The following PRAMEF1 variants were observed in gnomAD, a reference collection of about 807,000 sequenced individuals.
The protein encoded by PRAMEF1 is PRAME family member 1.
PRAMEF1 carries 21 observed loss-of-function variants against 38.2 expected under a neutral mutation model. The ratio of observed to expected loss-of-function variants is 0.55; its 90% confidence interval spans 0.39 to 0.79. The LOEUF is 0.79. Ranked by LOEUF, PRAMEF1 falls within the 30% of genes least tolerant of loss-of-function variation. The probability of loss-of-function intolerance (pLI) is 0.00; values close to 1 mark genes in which losing one functional copy is unlikely to be tolerated. For missense variants in PRAMEF1, 497 were observed against 565.8 expected (o/e 0.88, Z 1.23); for synonymous variants, 200 against 229.0 (o/e 0.87, Z 1.14).
rs1639401864 is a variant in PRAMEF1, at chr1:12,796,262, A to G, written c.*266A>G. On this transcript the variant is annotated 3_prime_UTR_variant, in exon 4 of 4. Transcript: ENST00000332296. The stretch of plus-strand genomic sequence containing the variant: ...TGGCATGAGTGACTGTGTCCAGGCC[A>G]CATGCAACTTAAAGGAAGCACAGGC... 5.6e-6 allele frequency: 3 copies of G among 533,350 alleles called. No homozygotes were observed. In the Admixed American group the frequency reaches 1.0e-4, roughly 19 times the overall value. 33.0% of individuals were successfully genotyped at this position (533,350 alleles called of 1,614,324 possible).
rs777841916 is a variant in PRAMEF1 at position 12,794,521 on chromosome 1, C to T, written c.866+28C>T. On this transcript the variant is annotated intron_variant, in intron 3 of 3. Coordinates refer to ENST00000332296, the MANE Select transcript of PRAMEF1 (RefSeq NM_023013.4). ...GAGAAAGGATCATGCACTTTGTATG[C>T]AGACCACAGCATAGCCTTGTTCTGT... 1.9e-6 allele frequency: 3 copies of T among 1,608,318 alleles called. No homozygotes were observed. In the East Asian group the frequency reaches 6.8e-5, roughly 36 times the overall value.
At chr1:12,795,352 G>A (rs1313110185) in intron 3 of PRAMEF1, 86 bp from the exon 4 acceptor site, 1 of 1,425,134 alleles carries the variant, frequency 7.0e-7, no homozygotes, top group Non-Finnish European at 9.7e-7. Context: ...ACTTGTGTTT[G>A]TTTGACGCAG....
chr1:12,795,671 G>C lies in PRAMEF1; in HGVS notation c.1100G>C (p.Ser367Thr). ...TGTCAGATCCACTACTCCCAACTCA[G>C]TGCCATCCTGCCTGGCCTGAGCCGC... ...EGCQIHYSQL[S>T]AILPGLSRCS... Residue 367 changes from serine (S) to threonine (T), a missense_variant, in exon 4 of 4, where the codon AGT (serine) becomes ACT (threonine). Ser to Thr is a moderately conservative substitution (Grantham distance 58). This residue lies in a region of PRAMEF1 where 470 missense variants were observed against 501.9 expected (regional missense o/e 0.94). Coordinates refer to ENST00000332296, the MANE Select transcript of PRAMEF1 (RefSeq NM_023013.4). The C allele has an allele frequency of 1.2e-6, 2 of 1,611,258 alleles. No individual in the cohort carries two copies. The highest frequency in any genetic ancestry group is 1.7e-6 in the Non-Finnish European group (2 of 1,179,542).
At position 12,794,014 on chromosome 1, in the gene PRAMEF1, G is replaced by A. The variant is rs538325834; in HGVS notation, c.387G>A (p.Thr129=). 10 of 1,608,164 alleles carry A rather than the reference G, an allele frequency of 6.2e-6. 1 individual carries two copies. The highest frequency in any genetic ancestry group is 3.3e-5 in the South Asian group (3 of 90,460). ...CCCTGTCCTGCTTCCCAGAGACCAC[G>A]AGTAAGAGGCAGACAGCAGAGGACT... ...AWALSCFPET[T]SKRQTAEDCP... The change falls in exon 3 of 4, where the codon ACG becomes ACA. Residue 129 remains threonine (T), a synonymous_variant. Coordinates refer to ENST00000332296, the MANE Select transcript of PRAMEF1 (RefSeq NM_023013.4).
chr1:12,795,695 G>T lies in PRAMEF1; in HGVS notation c.1124G>T (p.Arg375Leu), dbSNP rs141509525. Residue 375 changes from arginine (R) to leucine (L), a missense_variant, in exon 4 of 4, where the codon CGC (arginine) becomes CTC (leucine). Physicochemically the swap from Arg to Leu is moderately radical, Grantham distance 102. Coordinates refer to ENST00000332296, the MANE Select transcript of PRAMEF1 (RefSeq NM_023013.4). Reference sequence around the variant, plus strand: ...AGTGCCATCCTGCCTGGCCTGAGCCGCTGCTCCCAGCTCACCACCTTCTAC... The same window carrying T: ...AGTGCCATCCTGCCTGGCCTGAGCCTCTGCTCCCAGCTCACCACCTTCTAC... ...QLSAILPGLS[R>L]CSQLTTFYFG... 1 of 1,584,930 alleles carries T rather than the reference G, an allele frequency of 6.3e-7. No homozygotes were observed. The highest frequency in any genetic ancestry group is 2.3e-5 in the East Asian group (1 of 43,512).
At chr1:12,795,031 T>C (rs1639369353) in intron 3 of PRAMEF1, 1 of 1,181,676 alleles carries the variant, frequency 8.5e-7, no homozygotes, top group Admixed American at 2.5e-5. Context: ...GTGAGAGTGG[T>C]AAAAAGTGAC....
chr1:12,793,105 C>T, intron 1 of PRAMEF1, 98 bp from the exon 2 acceptor site: 1 of 1,479,414 alleles, frequency 6.8e-7, no homozygotes, highest in South Asian at 1.3e-5. Flanking sequence ...TGACCCCTCC[C>T]TCCTTGGTGT....
In PRAMEF1 at chr1:12,795,984, T is replaced by G. The variant is rs1338864464; in HGVS notation, c.1413T>G (p.His471Gln). The G allele has an allele frequency of 3.7e-6, 6 of 1,609,040 alleles. No individual in the cohort carries two copies. The Admixed American group carries it at 8.4e-5, about 23-fold the overall frequency. The change falls in exon 4 of 4, where the codon CAT becomes CAG. Residue 471 changes from histidine to glutamine, a missense_variant. His to Gln is a conservative substitution (Grantham distance 24). Around this residue, in one of 2 missense-constraint regions of PRAMEF1, gnomAD observed 27 missense variants for 63.9 expected, o/e 0.42. Coordinates refer to ENST00000332296, the MANE Select transcript of PRAMEF1 (RefSeq NM_023013.4). The stretch of plus-strand genomic sequence containing the variant: ...CACCGTCTGAGGAACTGGAGCTCCA[T>G]CTTTGCTGCTAGGGAAGGCGTGCCC... The part of the protein sequence containing the change: ...GSSPSEELEL[H>Q]LCC
At chr1:12,792,017 G>A (rs2359512) in intron 1 of PRAMEF1, among the ~76,000 whole-genome samples, 1,819 of 150,972 alleles carry the variant, frequency 0.012, 75 homozygotes, top group African/African-American at 0.042. Flanking sequence ...GCACTTTTAC[G>A]GTTTCTGGTT....
In PRAMEF1 at chr1:12,792,312, G is replaced by A. The variant is rs564521805; in HGVS notation, c.-26+838G>A. ...GCTGGGATTACATGAGTGAGCCACC[G>A]CGCCCAGCTACAGTTAGCATTTCTA... On this transcript the variant is annotated intron_variant, in intron 1 of 3. Coordinates refer to ENST00000332296, the MANE Select transcript of PRAMEF1 (RefSeq NM_023013.4). Among the ~76,000 whole-genome samples the A allele has an allele frequency of 9.9e-5, 15 of 151,106 alleles. 1 individual carries two copies. The East Asian group carries it at 1.2e-3, about 12-fold the overall frequency.
rs1306005854 is a variant in PRAMEF1, at chr1:12,794,336, C to G, written c.709C>G (p.Leu237Val). The change falls in exon 3 of 4, where the codon CTC becomes GTC. Residue 237 changes from leucine to valine, a missense_variant. Coordinates refer to ENST00000332296, the MANE Select transcript of PRAMEF1 (RefSeq NM_023013.4). ...GAAGGAGATGAAGAATCTTCGCAAA[C>G]TCGTTTTCTCCAGGTGCCATCATTA... The part of the protein sequence containing the change: ...YLKEMKNLRK[L>V]VFSRCHHYTS... The G allele has an allele frequency of 9.9e-6, 16 of 1,612,182 alleles. 1 individual carries two copies. Among genetic ancestry groups the G allele is most frequent in the Non-Finnish European group, 1.3e-5 (15 of 1,179,054 alleles).
In PRAMEF1 at chr1:12,794,417, CTCAGGCTGGAACACCT is replaced by C. The variant is rs758863067; in HGVS notation, c.795_810del (p.Arg265SerfsTer5). 5.6e-6 allele frequency: 9 copies of C among 1,610,678 alleles called. No homozygotes were observed. In the South Asian group the frequency reaches 9.9e-5, roughly 18 times the overall value. On this transcript the variant is annotated frameshift_variant, in exon 3 of 4. Transcript: ENST00000332296. LOFTEE classifies it high-confidence loss of function. ...AGTTGCCAAATTCAGCTCTGTGTTC[CTCAGGCTGGAACACCT>C]TCAGTTGCTTAAAATAAAATTGATC... is the stretch of plus-strand genomic sequence containing the variant.
At chr1:12,795,244 G>A (rs1370772978) in intron 3 of PRAMEF1, among the ~76,000 whole-genome samples, 194 bp from the exon 4 acceptor site, 1 of 151,864 alleles carries the variant, frequency 6.6e-6, no homozygotes, top group Non-Finnish European at 1.5e-5. Flanking sequence ...ACAAGCAATG[G>A]TGAAAGGGCT....
At position 12,793,403 on chromosome 1, in the gene PRAMEF1, G is replaced by T. The variant is rs1483520786; in HGVS notation, c.176G>T (p.Trp59Leu). ...FQTLTVMVQA[W>L]PFTCLPLGSL... ...ACTCTGACGGTGATGGTTCAGGCCTGGCCCTTCACCTGCCTCCCTCTGGGA... is the reference window on the plus strand; with the variant it reads ...ACTCTGACGGTGATGGTTCAGGCCTTGCCCTTCACCTGCCTCCCTCTGGGA... The change falls in exon 2 of 4, where the codon TGG becomes TTG. Residue 59 changes from tryptophan (W) to leucine (L), a missense_variant. By Grantham distance (61) the Trp-to-Leu change is moderately conservative. Transcript: ENST00000332296. The T allele has an allele frequency of 6.2e-7, 1 of 1,609,996 alleles. No homozygotes were observed. The highest frequency in any genetic ancestry group is 8.5e-7 in the Non-Finnish European group (1 of 1,177,946).
At chr1:12,792,852 A>G (rs1454141153) in intron 1 of PRAMEF1, among the ~76,000 whole-genome samples, 1 of 151,060 alleles carries the variant, frequency 6.6e-6, no homozygotes, top group Non-Finnish European at 1.5e-5. Flanking sequence ...AAAATAAAAA[A>G]TAATGGCATC....
In PRAMEF1 at chr1:12,795,820, G is replaced by T; in HGVS notation, c.1249G>T (p.Glu417Ter). 1 of 1,610,586 alleles carries T rather than the reference G, an allele frequency of 6.2e-7. No homozygotes were observed. Among genetic ancestry groups the T allele is most frequent in the Admixed American group, 1.7e-5 (1 of 59,756 alleles). ...CCTGGAGACGTATCCTGCCCCTGAG[G>T]AGAGTTTGAATTCCTTGGTTCGTGT... is the stretch of plus-strand genomic sequence containing the variant. The part of the protein sequence containing the change: ...LSLETYPAPE[E>*]SLNSLVRVNW... The change falls in exon 4 of 4, where the codon GAG becomes TAG. Residue 417 changes from glutamate (E) to a stop codon, truncating the protein, a stop_gained. Coordinates refer to ENST00000332296, the MANE Select transcript of PRAMEF1 (RefSeq NM_023013.4). LOFTEE classifies it high-confidence loss of function.
At position 12,793,392 on chromosome 1, in the gene PRAMEF1, G is replaced by T. The variant is rs1055933503; in HGVS notation, c.165G>T (p.Met55Ile). The T allele has an allele frequency of 1.6e-5, 26 of 1,610,138 alleles. 2 individuals carry two copies. Among genetic ancestry groups the T allele is most frequent in the Non-Finnish European group, 1.8e-5 (21 of 1,177,954 alleles). Residue 55 changes from methionine to isoleucine, a missense_variant, in exon 2 of 4, where the codon ATG (methionine) becomes ATT (isoleucine). This residue lies in a region of PRAMEF1 where 470 missense variants were observed against 501.9 expected (regional missense o/e 0.94). Transcript: ENST00000332296. ...GACACTTCCAGACTCTGACGGTGAT[G>T]GTTCAGGCCTGGCCCTTCACCTGCC... Reference protein sequence around the residue: ...SRRHFQTLTVMVQAWPFTCLP... With the variant: ...SRRHFQTLTVIVQAWPFTCLP...
At chr1:12,792,772 T>A (rs1639315645) in intron 1 of PRAMEF1, among the ~76,000 whole-genome samples, 1 of 150,992 alleles carries the variant, frequency 6.6e-6, no homozygotes, top group Admixed American at 6.6e-5. Context: ...TCTGCCTCCT[T>A]GGTGTCCAGC....
At chr1:12,792,862 C>T (rs932981563) in intron 1 of PRAMEF1, among the ~76,000 whole-genome samples, 12 of 150,772 alleles carry the variant, frequency 8.0e-5, no homozygotes, top group African/African-American at 2.4e-4. Flanking sequence ...ATAATGGCAT[C>T]GATTTTAGGG....
Sources: gnomAD v4.1 joint callset for allele counts (sites outside exome capture counted in the v4.1 genomes callset) on GRCh38, gnomAD v4.1.1 for gene constraint, gnomAD v4.1.1 regional missense constraint, MANE v1.5 for transcripts, NCBI Gene and HGNC (gene_info 2026-07-23, HGNC 2026-07-21) for gene names.